The following SLC9A9 variants were observed in gnomAD, a reference collection of about 807,000 sequenced individuals.
The protein encoded by SLC9A9 is solute carrier family 9 member A9.
A neutral mutation model predicts 77.8 loss-of-function variants in SLC9A9; 62 were observed. The ratio of observed to expected loss-of-function variants is 0.80; its 90% CI spans 0.65 to 0.98. The LOEUF is 0.98. SLC9A9 is among the 50% of genes least tolerant of loss of function. The pLI, the probability that SLC9A9 is intolerant of heterozygous loss-of-function variation, is 0.00. For missense variants in SLC9A9, 775 were observed against 774.9 expected, an observed-to-expected ratio of 1.00 and a Z score of 0.00; for synonymous variants, 320 against 283.5, an observed-to-expected ratio of 1.13 and a Z score of -1.29.
intron 12 of SLC9A9, among the ~76,000 whole-genome samples, chr3:143,454,395 C>A (rs2035053547): frequency 6.6e-6 from 1 of 152,026 alleles, no homozygotes; most frequent in African/African-American, 2.4e-5. Context: ...TCTAAGAATC[C>A]TTTGCCTAAT....
intron 6 of SLC9A9, among the ~76,000 whole-genome samples, chr3:143,603,513 T>C (rs529428994): frequency 6.6e-6 from 1 of 152,350 alleles, no homozygotes; most frequent in African/African-American, 2.4e-5. Flanking sequence ...AAGCAAACTC[T>C]TGTGCAGCCC....
At chr3:143,796,977 A>G (rs1486343046) in intron 2 of SLC9A9, 74 bp from the exon 3 acceptor site, 6 of 1,204,366 alleles carry the variant, frequency 5.0e-6, no homozygotes, top group Non-Finnish European at 7.3e-6. Context: ...TTCAAAAAAC[A>G]GTTGTAATTG....
At chr3:143,715,986 C>T (rs970043638) in intron 4 of SLC9A9, among the ~76,000 whole-genome samples, 1 of 152,192 alleles carries the variant, frequency 6.6e-6, no homozygotes, top group Non-Finnish European at 1.5e-5. Context: ...ACACACCAAG[C>T]CACCATCGTC....
chr3:143,388,635 T>C (rs541896667), intron 12 of SLC9A9, among the ~76,000 whole-genome samples: 5 of 152,158 alleles, frequency 3.3e-5, no homozygotes, highest in South Asian at 4.1e-4. Flanking sequence ...AGTGCTGTTA[T>C]TATAAGAGAA....
intron 14 of SLC9A9, among the ~76,000 whole-genome samples, chr3:143,330,098 T>C (rs540661341): frequency 2.9e-4 from 44 of 152,078 alleles, no homozygotes; most frequent in Non-Finnish European, 5.7e-4. Context: ...AGGAGACAGA[T>C]GGTGAGGTGA....
intron 13 of SLC9A9, among the ~76,000 whole-genome samples, chr3:143,373,385 A>G (rs578197818): frequency 6.6e-6 from 1 of 152,262 alleles, no homozygotes; most frequent in Admixed American, 6.5e-5. Context: ...TTACCTATAA[A>G]TGTAAGCTAA....
At chr3:143,431,645 C>G (rs1387084739) in intron 12 of SLC9A9, among the ~76,000 whole-genome samples, 1 of 152,026 alleles carries the variant, frequency 6.6e-6, no homozygotes, top group African/African-American at 2.4e-5. Context: ...CCATGCCCGG[C>G]TAATTTTTTG....
intron 6 of SLC9A9, among the ~76,000 whole-genome samples, chr3:143,606,264 G>A (rs937146321): frequency 1.3e-5 from 2 of 151,606 alleles, no homozygotes; most frequent in African/African-American, 4.8e-5. Flanking sequence ...AATTAGCCAG[G>A]CATGGTGGCA....
At chr3:143,556,671 C>T (rs538803260) in intron 8 of SLC9A9, among the ~76,000 whole-genome samples, 3 of 150,492 alleles carry the variant, frequency 2.0e-5, no homozygotes, top group Admixed American at 6.6e-5. Flanking sequence ...CCTTTATGCA[C>T]ACTTTATACC....
intron 14 of SLC9A9, among the ~76,000 whole-genome samples, chr3:143,333,017 G>A (rs1325670215): frequency 1.3e-5 from 2 of 152,174 alleles, no homozygotes; most frequent in East Asian, 1.9e-4. Flanking sequence ...AACTACAACT[G>A]CCAATACATC....
rs114556237 is a variant in SLC9A9 at position 143,768,940 on chromosome 3, G to A, written c.533+26061C>T. ...CAGATCTTTTAGTCTGTCATAAAAG[G>A]TTAAGCATGGCATAGTGTTTAAAAG... On this transcript the variant is annotated intron_variant, in intron 4 of 15. Transcript: ENST00000316549. 6.9e-3 allele frequency among the ~76,000 whole-genome samples: 1,058 copies of A among 152,260 alleles called. 4 individuals are homozygous for A. The highest frequency in any genetic ancestry group is 0.012 in the Non-Finnish European group (850 of 68,008).
intron 14 of SLC9A9, among the ~76,000 whole-genome samples, chr3:143,279,254 C>T (rs1053161251): frequency 6.6e-6 from 1 of 152,080 alleles, no homozygotes; most frequent in Non-Finnish European, 1.5e-5. Flanking sequence ...ATAGAGGTAC[C>T]AGGGAGGCAC....
intron 13 of SLC9A9, among the ~76,000 whole-genome samples, chr3:143,364,528 C>G (rs1469011633): frequency 6.6e-6 from 1 of 152,144 alleles, no homozygotes; most frequent in African/African-American, 2.4e-5. Flanking sequence ...CTACTGGATG[C>G]TCCACAGCCA....
At chr3:143,517,890 C>T (rs578135524) in intron 9 of SLC9A9, 6 of 1,543,666 alleles carry the variant, frequency 3.9e-6, no homozygotes, top group Non-Finnish European at 5.3e-6. Context: ...TAATCATTTG[C>T]CTGATCCATC....
chr3:143,818,821 C>T (rs1002422286), intron 2 of SLC9A9, among the ~76,000 whole-genome samples: 1 of 152,022 alleles, frequency 6.6e-6, no homozygotes, highest in East Asian at 1.9e-4. Context: ...GTGGCTCATG[C>T]CTGTAATCCC....
intron 12 of SLC9A9, among the ~76,000 whole-genome samples, chr3:143,390,866 C>A (rs1383619305): frequency 6.6e-6 from 1 of 152,218 alleles, no homozygotes; most frequent in Non-Finnish European, 1.5e-5. Flanking sequence ...GCACAGCAGG[C>A]TGAGATTGAA....
chr3:143,692,206 A>G (rs1236494607), intron 5 of SLC9A9, among the ~76,000 whole-genome samples: 1 of 152,206 alleles, frequency 6.6e-6, no homozygotes, highest in East Asian at 1.9e-4. Flanking sequence ...AATAAAAGGG[A>G]AACTTCTAGA....
At chr3:143,560,399 T>C (rs918048261) in intron 8 of SLC9A9, among the ~76,000 whole-genome samples, 3 of 152,192 alleles carry the variant, frequency 2.0e-5, no homozygotes, top group African/African-American at 7.2e-5. Context: ...TTATAAGACA[T>C]CTTCAAAGGA....
chr3:143,409,718 C>G (rs2034054793), intron 12 of SLC9A9, among the ~76,000 whole-genome samples: 3 of 152,158 alleles, frequency 2.0e-5, no homozygotes, highest in South Asian at 4.1e-4. Context: ...GCTGCTTTTC[C>G]TAGAAGCTAT....
Sources: gnomAD v4.1 joint callset for allele counts (sites outside exome capture counted in the v4.1 genomes callset) on GRCh38, gnomAD v4.1.1 for gene constraint, MANE v1.5 for transcripts, NCBI Gene and HGNC (gene_info 2026-07-23, HGNC 2026-07-21) for gene names.